Variants in SLC11A2 observed in about 807,000 individuals in gnomAD.
SLC11A2 encodes the protein natural resistance-associated macrophage protein 2.
A neutral mutation model predicts 68.0 loss-of-function variants in SLC11A2; 38 were observed. That is an observed-to-expected ratio of 0.56 (90% CI 0.43 to 0.73). The LOEUF (loss-of-function observed/expected upper bound fraction) is 0.73, where lower values mean the gene tolerates loss of function less well. SLC11A2 is among the 30% of genes least tolerant of loss of function. SLC11A2 has a pLI of 0.00. For missense variants in SLC11A2, 517 were observed against 690.5 expected (o/e 0.75, Z 2.82); for synonymous variants, 242 against 250.6 (o/e 0.97, Z 0.32).
chr12:51,014,180 G>A (rs1422509859), intron 1 of SLC11A2: 1 of 152,350 alleles, frequency 6.6e-6, no homozygotes, highest in African/African-American at 2.4e-5. Context: ...CTTGTGCAGA[G>A]AGGCCATGCT....
chr12:50,988,572 C>A (rs1940832149), intron 15 of SLC11A2, 137 bp from the exon 16 acceptor site: 4 of 1,406,108 alleles, frequency 2.8e-6, no homozygotes, highest in Middle Eastern at 2.3e-4. Flanking sequence ...AAGGGTTGCA[C>A]AAGTCATTCT....
In SLC11A2 at chr12:50,987,482, C is replaced by T. The variant is rs1363110910; in HGVS notation, c.*843G>A. On this transcript the variant is annotated 3_prime_UTR_variant, in exon 16 of 16. Coordinates refer to ENST00000262052, the MANE Select transcript of SLC11A2 (RefSeq NM_000617.3). ...GAGAACATCAGTTCATAAATACTAC[C>T]ATCTGTTTCTATCACCACCCTCCTG... is the stretch of plus-strand genomic sequence containing the variant. 1 of 1,287,162 alleles carries T rather than the reference C, an allele frequency of 7.8e-7. No homozygotes were observed. The highest frequency in any genetic ancestry group is 2.3e-5 in the Admixed American group (1 of 43,552). 79.7% of individuals were successfully genotyped at this position (1,287,162 alleles called of 1,614,324 possible). A position where few individuals can be genotyped will look rare whatever the true frequency, so the allele number is the denominator to read the frequency against.
chr12:51,028,169 C>G, upstream of SLC11A2: 1 of 1,527,940 alleles, frequency 6.5e-7, no homozygotes, highest in East Asian at 2.4e-5. Context: ...CTTCCCTGGG[C>G]TACTTACTTA....
the SLC11A2 span, among the ~76,000 whole-genome samples, chr12:50,963,762 G>A: frequency 6.6e-6 from 1 of 152,170 alleles, no homozygotes; most frequent in Non-Finnish European, 1.5e-5. Context: ...ATCTCATACA[G>A]GATGTCTCTT....
chr12:50,958,015 A>G, the SLC11A2 span, among the ~76,000 whole-genome samples: 160 of 144,866 alleles, frequency 1.1e-3, no homozygotes, highest in African/African-American at 4.0e-3. Context: ...CATTTTGGCC[A>G]GGCTGGTCCC....
intron 1 of SLC11A2, among the ~76,000 whole-genome samples, chr12:51,016,931 T>G (rs1266806103): frequency 6.7e-6 from 1 of 150,158 alleles, no homozygotes; most frequent in Non-Finnish European, 1.5e-5. Context: ...GAGGATCACC[T>G]GAGTCTGGGA....
In SLC11A2 at chr12:50,986,304, A is replaced by G; in HGVS notation, c.*2021T>C. On this transcript the variant is annotated 3_prime_UTR_variant, in exon 16 of 16. Coordinates refer to ENST00000262052, the MANE Select transcript of SLC11A2 (RefSeq NM_000617.3). Reference sequence around the variant, plus strand: ...TAAATTTCTACATATTATTTATTGCACCCAGAGTACTGGTTAAAATGCACT... The same window carrying G: ...TAAATTTCTACATATTATTTATTGCGCCCAGAGTACTGGTTAAAATGCACT... 1 of 1,286,522 alleles carries G rather than the reference A, an allele frequency of 7.8e-7. No individual in the cohort carries two copies. The highest frequency in any genetic ancestry group is 1.0e-6 in the Non-Finnish European group (1 of 988,022). 79.7% of individuals were successfully genotyped at this position (1,286,522 alleles called of 1,614,324 possible).
intron 11 of SLC11A2, among the ~76,000 whole-genome samples, chr12:50,993,742 C>A (rs1009922636): frequency 6.6e-6 from 1 of 151,692 alleles, no homozygotes; most frequent in African/African-American, 2.4e-5. Context: ...GCAGGAGAAG[C>A]ACTTGAACCC....
At chr12:50,965,881 A>G in the SLC11A2 span, among the ~76,000 whole-genome samples, 2 of 152,158 alleles carry the variant, frequency 1.3e-5, no homozygotes, top group Non-Finnish European at 2.9e-5. Context: ...TCTTCATTCA[A>G]GGGATTTCTG....
At position 50,990,863 on chromosome 12, in the gene SLC11A2, C is replaced by T; in HGVS notation, c.1507G>A (p.Gly503Arg). 1 of 1,614,120 alleles carries T rather than the reference C, an allele frequency of 6.2e-7. No homozygotes were observed. Among genetic ancestry groups the T allele is most frequent in the Non-Finnish European group, 8.5e-7 (1 of 1,179,990 alleles). ...YFVVVYVRDLGHVALYVVAAV... is the reference protein window; with the variant it reads ...YFVVVYVRDLRHVALYVVAAV... ...GCCACCACATATAATGCCACATGCC[C>T]TAGGTCCCGGACATAAACCACTACA... Residue 503 changes from glycine (G) to arginine (R), a missense_variant, in exon 15 of 16, where the codon GGG (glycine) becomes AGG (arginine). Gly to Arg is a moderately radical substitution (Grantham distance 125). Coordinates refer to ENST00000262052, the MANE Select transcript of SLC11A2 (RefSeq NM_000617.3).
At chr12:51,006,933 A>G (rs1437595617) in intron 3 of SLC11A2, among the ~76,000 whole-genome samples, 1 of 152,000 alleles carries the variant, frequency 6.6e-6, no homozygotes, top group Non-Finnish European at 1.5e-5. Context: ...ACTTGGAGAC[A>G]AGGTCTTGTC....
chr12:50,968,405 G>A, the SLC11A2 span, among the ~76,000 whole-genome samples: 1 of 151,902 alleles, frequency 6.6e-6, no homozygotes, highest in Non-Finnish European at 1.5e-5. Context: ...GTGTGTGGGG[G>A]GAGACAGGGT....
At chr12:51,005,989 A>G (rs942792797) in intron 3 of SLC11A2, 49 of 290,828 alleles carry the variant, frequency 1.7e-4, no homozygotes, top group African/African-American at 1.0e-3. Context: ...GACACAAATG[A>G]CCAGCATTAA....
rs1166854701 is a variant in SLC11A2 at position 50,987,136 on chromosome 12, A to C, written c.*1189T>G. On this transcript the variant is annotated 3_prime_UTR_variant, in exon 16 of 16. Coordinates refer to ENST00000262052, the MANE Select transcript of SLC11A2 (RefSeq NM_000617.3). ...GTGCTGAAGACACCCATTTCCTCTG[A>C]CTCCAGAGCTCCACCATCTGGTCTC... 2 of 1,282,418 alleles carry C rather than the reference A, an allele frequency of 1.6e-6. No individual in the cohort carries two copies. Among genetic ancestry groups the C allele is most frequent in the Admixed American group, 2.3e-5 (1 of 43,014 alleles). 79.4% of individuals were successfully genotyped at this position (1,282,418 alleles called of 1,614,324 possible).
At chr12:51,016,952 G>T (rs1306353356) in intron 1 of SLC11A2, among the ~76,000 whole-genome samples, 1 of 151,326 alleles carries the variant, frequency 6.6e-6, no homozygotes, top group African/African-American at 2.4e-5. Flanking sequence ...GGTCAAGGCT[G>T]CAGTGAGTGT....
At position 51,000,306 on chromosome 12, in the gene SLC11A2, C is replaced by G. The variant is rs1942091747; in HGVS notation, c.536+7G>C. ...CACTGATGACTTTCTAGAGGAAAACCCCTCACCTTCCTACAGACAGAAGAT... is the reference window on the plus strand; with the variant it reads ...CACTGATGACTTTCTAGAGGAAAACGCCTCACCTTCCTACAGACAGAAGAT... On this transcript the variant is annotated splice_region_variant and intron_variant, in intron 6 of 15. Coordinates refer to ENST00000262052, the MANE Select transcript of SLC11A2 (RefSeq NM_000617.3). 1.9e-6 allele frequency: 3 copies of G among 1,591,954 alleles called. No individual in the cohort carries two copies. Among genetic ancestry groups the G allele is most frequent in the Non-Finnish European group, 2.6e-6 (3 of 1,159,808 alleles).
At chr12:51,025,709 A>AT (rs1944335473) in intron 1 of SLC11A2, 1 of 975,688 alleles carries the variant, frequency 1.0e-6, no homozygotes. Flanking sequence ...AACCCTGCTC[A>AT]TTGGAGCCTG....
At chr12:50,991,087 A>G in intron 14 of SLC11A2, 139 bp from the exon 15 acceptor site, 1 of 820,934 alleles carries the variant, frequency 1.2e-6, no homozygotes, top group Admixed American at 2.0e-5. Context: ...GATTCTTCAT[A>G]AGTCTAAGTT....
the SLC11A2 span, among the ~76,000 whole-genome samples, chr12:50,959,676 C>T: frequency 6.6e-6 from 1 of 152,012 alleles, no homozygotes; most frequent in African/African-American, 2.4e-5. Context: ...AAAACAAAGT[C>T]TTGCTCTGTC....
Sources: gnomAD v4.1 joint callset for allele counts (sites outside exome capture counted in the v4.1 genomes callset) on GRCh38, gnomAD v4.1.1 for gene constraint, MANE v1.5 for transcripts, NCBI Gene and HGNC (gene_info 2026-07-23, HGNC 2026-07-21) for gene names.